Variants in FUOM observed in about 807,000 individuals in gnomAD.
The protein encoded by FUOM is fucose mutarotase.
A neutral mutation model predicts 18.3 loss-of-function variants in FUOM; 19 were observed. That is an observed-to-expected ratio of 1.04 (90% CI 0.73 to 1.53). FUOM has a LOEUF of 1.53. Among genes scored for constraint, FUOM ranks in the 40% most tolerant of loss-of-function variants. FUOM has a pLI of 0.00. For missense variants in FUOM, 210 were observed against 200.9 expected, an observed-to-expected ratio of 1.04 and a Z score of -0.27; for synonymous variants, 102 against 87.9, an observed-to-expected ratio of 1.16 and a Z score of -0.90.
chr10:133,355,669 C>CG, intron 5 of FUOM, 69 bp downstream of exon 5: 1 of 1,549,912 alleles, frequency 6.5e-7, no homozygotes, highest in Non-Finnish European at 8.9e-7. Context: ...TGAGGCCCCC[C>CG]GGTGGGGATG....
At chr10:133,354,454 C>T (rs185449037), downstream of FUOM, among the ~76,000 whole-genome samples, 1 of 152,274 alleles carries the variant, frequency 6.6e-6, no homozygotes. Context: ...CCCTCGAGCC[C>T]CGGGGACACC....
intron 1 of FUOM, 134 bp downstream of exon 1, chr10:133,357,789 C>G: frequency 1.6e-6 from 1 of 626,798 alleles, no homozygotes; most frequent in Non-Finnish European, 2.6e-6. Flanking sequence ...GGGCTTCCTG[C>G]CCGGAAGCCA....
At chr10:133,357,514 C>G in intron 1 of FUOM, 1 of 569,726 alleles carries the variant, frequency 1.8e-6, no homozygotes, top group Non-Finnish European at 3.2e-6. Context: ...CGGGTGCTGA[C>G]CAGGCCAGGG....
chr10:133,357,653 G>A lies in FUOM; in HGVS notation c.85+270C>T, dbSNP rs1848853554. On this transcript the variant is annotated intron_variant, in intron 1 of 5. Coordinates refer to ENST00000278025, the MANE Select transcript of FUOM (RefSeq NM_001098483.3). Reference sequence around the variant, plus strand: ...AGGCCCCAGGAGAAGAAAAAGCGCCGAACCCTCGGGGGCAGCCCAGACGCG... The same window carrying A: ...AGGCCCCAGGAGAAGAAAAAGCGCCAAACCCTCGGGGGCAGCCCAGACGCG... The A allele has an allele frequency of 1.8e-5, 9 of 500,842 alleles. No individual in the cohort carries two copies. The South Asian group carries it at 2.2e-4, about 12-fold the overall frequency. 31.0% of individuals were successfully genotyped at this position (500,842 alleles called of 1,614,324 possible).
chr10:133,356,642 C>G lies in FUOM; in HGVS notation c.322G>C (p.Val108Leu). 1 of 1,566,422 alleles carries G rather than the reference C, an allele frequency of 6.4e-7. No homozygotes were observed. Among genetic ancestry groups the G allele is most frequent in the Non-Finnish European group, 8.7e-7 (1 of 1,152,934 alleles). ...YESILRRAGC[V>L]RALAKIERFE... The stretch of plus-strand genomic sequence containing the variant: ...CACAACTGGGGCTGCAGGCTTACCA[C>G]ACAGCCGGCCCTGCGTAGGATGGAC... Residue 108 changes from valine (V) to leucine (L), a missense_variant and splice_region_variant, in exon 4 of 6, where the codon GTG becomes CTG. By Grantham distance (32) the Val-to-Leu change is conservative. Coordinates refer to ENST00000278025, the MANE Select transcript of FUOM (RefSeq NM_001098483.3).
intron 4 of FUOM, 129 bp from the exon 5 acceptor site, chr10:133,355,940 C>G (rs557289590): frequency 5.1e-6 from 4 of 790,130 alleles, no homozygotes; most frequent in Non-Finnish European, 6.5e-6. Context: ...GGCTCTCCCC[C>G]GGCAAGGGCC....
At chr10:133,357,348 G>A in intron 1 of FUOM, 93 bp from the exon 2 acceptor site, 1 of 1,302,986 alleles carries the variant, frequency 7.7e-7, no homozygotes, top group East Asian at 2.5e-5. Context: ...GCGGCAGATC[G>A]TGGGTCACAA....
downstream of FUOM, among the ~76,000 whole-genome samples, chr10:133,354,256 G>A (rs1420477525): frequency 6.6e-6 from 1 of 152,180 alleles, no homozygotes; most frequent in Non-Finnish European, 1.5e-5. Flanking sequence ...CTGACCACTA[G>A]TGAGCACAGA....
intron 5 of FUOM, 58 bp from the exon 6 acceptor site, chr10:133,355,494 C>T (rs1341254183): frequency 1.9e-6 from 3 of 1,606,902 alleles, no homozygotes; most frequent in Admixed American, 1.7e-5. Context: ...TGCCGAGACC[C>T]TGCTTCAGCA....
intron 4 of FUOM, among the ~76,000 whole-genome samples, chr10:133,356,301 C>T (rs1425714973): frequency 6.6e-6 from 1 of 152,238 alleles, no homozygotes; most frequent in African/African-American, 2.4e-5. Context: ...CCAGGGGGCA[C>T]CCCTCCAGGG....
chr10:133,357,313 C>A, intron 1 of FUOM, 58 bp from the exon 2 acceptor site: 1 of 1,502,240 alleles, frequency 6.7e-7, no homozygotes, highest in Non-Finnish European at 9.1e-7. Context: ...GGGGTCGGCG[C>A]CGCCCGTCCT....
chr10:133,357,807 C>T, intron 1 of FUOM, 116 bp downstream of exon 1: 2 of 753,356 alleles, frequency 2.7e-6, no homozygotes, highest in Non-Finnish European at 4.0e-6. Context: ...CCAGGGAGGC[C>T]CGAGCAACGC....
chr10:133,356,363 C>T (rs748003141), intron 4 of FUOM, among the ~76,000 whole-genome samples: 10 of 152,232 alleles, frequency 6.6e-5, no homozygotes, highest in Non-Finnish European at 1.5e-4. Context: ...GCTCCACTCA[C>T]AGGCTGTGGT....
At chr10:133,354,768 T>C (rs1848735632), downstream of FUOM, among the ~76,000 whole-genome samples, 1 of 150,608 alleles carries the variant, frequency 6.6e-6, no homozygotes, top group South Asian at 2.1e-4. Context: ...AAGTGAGGCT[T>C]TCAGCGGGAG....
At position 133,357,907 on chromosome 10, in the gene FUOM, G is replaced by A; in HGVS notation, c.85+16C>T. The A allele has an allele frequency of 1.3e-6, 2 of 1,518,876 alleles. No individual in the cohort carries two copies. The highest frequency in any genetic ancestry group is 2.6e-5 in the East Asian group (1 of 37,762). 94.1% of individuals were successfully genotyped at this position (1,518,876 alleles called of 1,614,324 possible). On this transcript the variant is annotated intron_variant, in intron 1 of 5. Transcript: ENST00000278025. ...GTCCCGGGGTGCTCCCCGAGGCCCC[G>A]GCCCGCTGCGCTCACCGATCTCGTC...
chr10:133,357,634 C>T (rs923345913), intron 1 of FUOM: 41 of 493,910 alleles, frequency 8.3e-5, no homozygotes, highest in African/African-American at 6.8e-4. Flanking sequence ...CCCCAGGCCC[C>T]AGGAGAAGAA....
At position 133,357,893 on chromosome 10, in the gene FUOM, C is replaced by G. The variant is rs776709664; in HGVS notation, c.85+30G>C. ...TCGCCCTCCTGCCTGTCCCGGGGTG[C>G]TCCCCGAGGCCCCGGCCCGCTGCGC... On this transcript the variant is annotated intron_variant, in intron 1 of 5. Transcript: ENST00000278025. 4 of 1,505,358 alleles carry G rather than the reference C, an allele frequency of 2.7e-6. No homozygotes were observed. In the African/African-American group the frequency reaches 5.8e-5, roughly 22 times the overall value. 93.3% of individuals were successfully genotyped at this position (1,505,358 alleles called of 1,614,324 possible). A position where few individuals can be genotyped will look rare whatever the true frequency, so the allele number is the denominator to read the frequency against.
At chr10:133,357,668 G>T in intron 1 of FUOM, 1 of 513,000 alleles carries the variant, frequency 1.9e-6, no homozygotes, top group Non-Finnish European at 3.4e-6. Context: ...CTCGGGGGCA[G>T]CCCAGACGCG....
chr10:133,355,738 C>G lies in FUOM; in HGVS notation c.398G>C (p.Gly133Ala), dbSNP rs759054372. The change falls in exon 5 of 6, where the codon GGG becomes GCG. Residue 133 changes from glycine (G) to alanine (A), a missense_variant and splice_region_variant. By Grantham distance (60) the Gly-to-Ala change is moderately conservative (BLOSUM62 0). Coordinates refer to ENST00000278025, the MANE Select transcript of FUOM (RefSeq NM_001098483.3). The part of the protein sequence containing the change: ...AKKAFAVVAT[G>A]ETALYGNLIL... ...CAGGTCTGAGCCAGCTGGAACTCAC[C>G]CCGTTGCCACAACAGCAAAAGCCTT... is the stretch of plus-strand genomic sequence containing the variant. 1.2e-6 allele frequency: 2 copies of G among 1,613,110 alleles called. No individual in the cohort carries two copies. Among genetic ancestry groups the G allele is most frequent in the Non-Finnish European group, 1.7e-6 (2 of 1,179,906 alleles).
Sources: allele counts gnomAD v4.1 joint callset (sites outside exome capture counted in the v4.1 genomes callset), GRCh38; gene constraint gnomAD v4.1.1; transcripts MANE v1.5; gene names NCBI Gene and HGNC (gene_info 2026-07-23, HGNC 2026-07-21).